CFAP53: variants seen among roughly 807,000 people sequenced by gnomAD.
CFAP53 encodes the protein cilia and flagella associated protein 53.
In CFAP53, 62 loss-of-function variants were observed where a neutral mutation model predicts 59.7. That is an observed-to-expected ratio of 1.04 (90% CI 0.85 to 1.28). The LOEUF (loss-of-function observed/expected upper bound fraction) is 1.28. Ranked by LOEUF, CFAP53 falls within the 50% of genes most tolerant of loss-of-function variation. The probability of loss-of-function intolerance (pLI) is 0.00; values close to 1 mark genes in which losing one functional copy is unlikely to be tolerated. For synonymous variants in CFAP53, 218 were observed against 205.7 expected (o/e 1.06, Z -0.51); for missense variants, 629 against 615.6 (o/e 1.02, Z -0.23).
At chr18:50,253,355 C>T (rs2033819402) in intron 3 of CFAP53, among the ~76,000 whole-genome samples, 1 of 152,206 alleles carries the variant, frequency 6.6e-6, no homozygotes, top group Non-Finnish European at 1.5e-5. Flanking sequence ...AAATGATAGA[C>T]AGAATATTTA....
chr18:50,228,335 A>G (rs1345790355), intron 7 of CFAP53, among the ~76,000 whole-genome samples: 1 of 152,042 alleles, frequency 6.6e-6, no homozygotes, highest in East Asian at 1.9e-4. Flanking sequence ...ACATCCCCGC[A>G]CAAGAGGCCT....
chr18:50,262,803 CT>C (rs2033907852), intron 1 of CFAP53, among the ~76,000 whole-genome samples: 1 of 151,790 alleles, frequency 6.6e-6, no homozygotes, highest in African/African-American at 2.4e-5. Context: ...AATGAAAGAT[CT>C]TTGACTAAGA....
At chr18:50,233,102 T>G (rs2033598005) in intron 7 of CFAP53, among the ~76,000 whole-genome samples, 1 of 152,146 alleles carries the variant, frequency 6.6e-6, no homozygotes, top group Non-Finnish European at 1.5e-5. Context: ...GCTCTCTATC[T>G]TCCTTTTTTT....
intron 7 of CFAP53, among the ~76,000 whole-genome samples, chr18:50,228,931 C>A (rs1158609903): frequency 6.6e-6 from 1 of 151,968 alleles, no homozygotes; most frequent in African/African-American, 2.4e-5. Context: ...GAGACCTGAT[C>A]TGTACAAAAA....
rs549708749 is a variant in CFAP53 at position 50,245,299 on chromosome 18, G to A, written c.997-2183C>T. Reference sequence around the variant, plus strand: ...CGGGAGGCTGAGGCAGGAGAATGGCGTGAACCCAGGAAGCGGAGCTTGCAG... The same window carrying A: ...CGGGAGGCTGAGGCAGGAGAATGGCATGAACCCAGGAAGCGGAGCTTGCAG... On this transcript the variant is annotated intron_variant, in intron 5 of 7. Coordinates refer to ENST00000398545, the MANE Select transcript of CFAP53 (RefSeq NM_145020.5). Among the ~76,000 whole-genome samples, 103 of 150,094 alleles carry A rather than the reference G, an allele frequency of 6.9e-4. 1 individual carries two copies. The highest frequency in any genetic ancestry group is 2.2e-3 in the African/African-American group (91 of 41,008).
rs2033975926 is a variant in CFAP53, at chr18:50,266,329, T to C, written c.69+7A>G. On this transcript the variant is annotated splice_region_variant and intron_variant, in intron 1 of 7. Transcript: ENST00000398545. ...TGTAGGGTCTGGCAGACATATCCTG[T>C]GCTTACCACGATCACCACTTTGGGG... 1 of 1,613,994 alleles carries C rather than the reference T, an allele frequency of 6.2e-7. No homozygotes were observed. The highest frequency in any genetic ancestry group is 1.3e-5 in the African/African-American group (1 of 75,060).
chr18:50,231,541 A>T (rs2033583741), intron 7 of CFAP53, among the ~76,000 whole-genome samples: 1 of 152,178 alleles, frequency 6.6e-6, no homozygotes, highest in Non-Finnish European at 1.5e-5. Context: ...ATCCGTGTGG[A>T]AGCATCTAAC....
chr18:50,235,424 G>A (rs2033624103), intron 7 of CFAP53, among the ~76,000 whole-genome samples: 1 of 152,134 alleles, frequency 6.6e-6, no homozygotes, highest in Admixed American at 6.5e-5. Flanking sequence ...AAAATTAGCT[G>A]GGCGTGGTGG....
chr18:50,244,967 G>A (rs1433934579), intron 5 of CFAP53, among the ~76,000 whole-genome samples: 1 of 149,910 alleles, frequency 6.7e-6, no homozygotes, highest in Non-Finnish European at 1.5e-5. Flanking sequence ...GGAGGCTGAG[G>A]CAGGAAGATC....
intron 5 of CFAP53, among the ~76,000 whole-genome samples, chr18:50,248,781 C>T (rs1242760536): frequency 7.4e-6 from 1 of 134,586 alleles, no homozygotes; most frequent in African/African-American, 2.8e-5. Context: ...CAAGACTCCG[C>T]CTAAAAAAAA....
chr18:50,249,694 A>T (rs2033779561), intron 5 of CFAP53, among the ~76,000 whole-genome samples: 1 of 152,160 alleles, frequency 6.6e-6, no homozygotes, highest in African/African-American at 2.4e-5. Context: ...AATGAAGAAC[A>T]GGGTTAAGAA....
intron 4 of CFAP53, 39 bp downstream of exon 4, chr18:50,251,442 G>C (rs1299653565): frequency 1.3e-6 from 2 of 1,555,784 alleles, no homozygotes; most frequent in African/African-American, 2.7e-5. Context: ...CTACACCCAT[G>C]GCGTTGATCA....
chr18:50,233,286 T>A (rs569750264), intron 7 of CFAP53, among the ~76,000 whole-genome samples: 3 of 152,254 alleles, frequency 2.0e-5, no homozygotes, highest in African/African-American at 7.2e-5. Flanking sequence ...AAATAAAAAA[T>A]AAATAAATAA....
intron 6 of CFAP53, among the ~76,000 whole-genome samples, chr18:50,239,594 T>C (rs563001591): frequency 1.1e-4 from 16 of 152,264 alleles, no homozygotes; most frequent in Middle Eastern, 3.4e-3. Context: ...AAAATAACAG[T>C]AAAAAGATTA....
intron 6 of CFAP53, among the ~76,000 whole-genome samples, chr18:50,241,858 G>C (rs147246764): frequency 6.6e-6 from 1 of 152,106 alleles, no homozygotes; most frequent in Admixed American, 6.6e-5. Context: ...AACAGGGTTC[G>C]AGAGCAGAGG....
chr18:50,252,111 T>C (rs1206948957), intron 3 of CFAP53, among the ~76,000 whole-genome samples: 2 of 212 alleles, frequency 9.4e-3, no homozygotes, highest in Admixed American at 0.5. Context: ...ACTTTTTTTC[T>C]TTTTTTTTTT....
chr18:50,249,325 C>T (rs1446540635), intron 5 of CFAP53, among the ~76,000 whole-genome samples: 1 of 151,776 alleles, frequency 6.6e-6, no homozygotes, highest in Non-Finnish European at 1.5e-5. Context: ...CAAGACCAGC[C>T]TGGGCAGCAT....
intron 7 of CFAP53, among the ~76,000 whole-genome samples, chr18:50,237,642 C>T (rs763312084): frequency 3.3e-5 from 5 of 151,916 alleles, no homozygotes; most frequent in Non-Finnish European, 7.4e-5. Context: ...TCCTCTTCCT[C>T]CACTACACTG....
At chr18:50,241,511 C>A (rs113460020) in intron 6 of CFAP53, among the ~76,000 whole-genome samples, 47 of 152,212 alleles carry the variant, frequency 3.1e-4, no homozygotes, top group African/African-American at 1.1e-3. Context: ...GGGGAACCAG[C>A]CCCCAATATT....
Sources: allele counts gnomAD v4.1 joint callset (sites outside exome capture counted in the v4.1 genomes callset), GRCh38; gene constraint gnomAD v4.1.1; transcripts MANE v1.5; gene names NCBI Gene and HGNC (gene_info 2026-07-23, HGNC 2026-07-21).